LDLRAD3: variants seen among roughly 807,000 people sequenced by gnomAD.
The protein encoded by LDLRAD3 is low density lipoprotein receptor class A domain containing 3.
Under a neutral mutation model 29.4 loss-of-function variants are expected in LDLRAD3, and 20 were observed. The ratio of observed to expected loss-of-function variants is 0.68; its 90% CI spans 0.48 to 0.99. LDLRAD3 has a LOEUF of 0.99. Among genes scored for constraint, LDLRAD3 ranks in the 50% least tolerant of loss-of-function variants. The pLI is 0.00. For synonymous variants in LDLRAD3, 157 were observed against 192.7 expected, an observed-to-expected ratio of 0.81 and a Z score of 1.53; for missense variants, 420 against 454.3, an observed-to-expected ratio of 0.92 and a Z score of 0.69.
chr11:36,086,494 C>CA (rs1159192153), intron 3 of LDLRAD3, among the ~76,000 whole-genome samples: 3 of 152,178 alleles, frequency 2.0e-5, no homozygotes, highest in African/African-American at 7.2e-5. Flanking sequence ...GCTGTTTTTG[C>CA]AATGCTATTT....
At chr11:36,075,362 G>C in intron 2 of LDLRAD3, among the ~76,000 whole-genome samples, 1 of 152,006 alleles carries the variant, frequency 6.6e-6, no homozygotes, top group South Asian at 2.1e-4. Context: ...AGTTAGCCTA[G>C]TGAATCATTG....
chr11:36,056,825 GAGGGT>G lies in LDLRAD3; in HGVS notation c.193+20578_193+20582del, dbSNP rs763328208. Among the ~76,000 whole-genome samples, 9 of 152,220 alleles carry G rather than the reference GAGGGT, an allele frequency of 5.9e-5. No homozygotes were observed. The South Asian group carries it at 1.2e-3, about 21-fold the overall frequency. On this transcript the variant is annotated intron_variant, in intron 2 of 5. Coordinates refer to ENST00000315571, the MANE Select transcript of LDLRAD3 (RefSeq NM_174902.4). ...ACTCTCCACTAAATATGTCTGGCAG[GAGGGT>G]ACACGATACCTCTCCCTTCACTCCC...
intron 4 of LDLRAD3, among the ~76,000 whole-genome samples, chr11:36,145,007 C>T (rs1854158701): frequency 8.6e-6 from 1 of 116,258 alleles, no homozygotes. Flanking sequence ...GCCCTGCCAG[C>T]CGCCCCGTCC....
chr11:36,055,024 T>C (rs1341606438), intron 2 of LDLRAD3, among the ~76,000 whole-genome samples: 4 of 81,818 alleles, frequency 4.9e-5, no homozygotes, highest in Admixed American at 1.2e-4. Context: ...GATGGTTGGA[T>C]GAATGGATGG....
chr11:36,030,344 A>G (rs1396229789), intron 1 of LDLRAD3, among the ~76,000 whole-genome samples: 1 of 152,340 alleles, frequency 6.6e-6, no homozygotes, highest in East Asian at 1.9e-4. Flanking sequence ...GGAGCAACCT[A>G]GAGTCGAGGA....
chr11:35,989,458 T>A (rs1851660568), intron 1 of LDLRAD3, among the ~76,000 whole-genome samples: 1 of 152,252 alleles, frequency 6.6e-6, no homozygotes, highest in Non-Finnish European at 1.5e-5. Context: ...GTAGATTGCT[T>A]TCGGCAGTAT....
At chr11:36,029,062 G>A (rs186151057) in intron 1 of LDLRAD3, among the ~76,000 whole-genome samples, 17 of 152,254 alleles carry the variant, frequency 1.1e-4, no homozygotes, top group African/African-American at 3.9e-4. Flanking sequence ...GGTCAATATG[G>A]GGAAACCCCG....
chr11:36,195,012 CCT>C (rs1042885795), intron 4 of LDLRAD3, among the ~76,000 whole-genome samples: 7 of 152,296 alleles, frequency 4.6e-5, no homozygotes, highest in Admixed American at 4.6e-4. Flanking sequence ...AGTTCCTAAA[CCT>C]CTCTGTACCT....
intron 4 of LDLRAD3, among the ~76,000 whole-genome samples, chr11:36,145,953 T>C (rs1854186142): frequency 6.6e-6 from 1 of 151,084 alleles, no homozygotes; most frequent in South Asian, 2.1e-4. Context: ...ACTATTGTCC[T>C]GTGACCCTGC....
intron 3 of LDLRAD3, among the ~76,000 whole-genome samples, chr11:36,087,674 T>A (rs1853215431): frequency 6.6e-6 from 1 of 152,204 alleles, no homozygotes; most frequent in Non-Finnish European, 1.5e-5. Context: ...GCATTCATTT[T>A]GCACTCAGGA....
rs544933404 is a variant in LDLRAD3 at position 36,188,986 on chromosome 11, C to A, written c.455-38099C>A. 1.3e-3 allele frequency among the ~76,000 whole-genome samples: 196 copies of A among 150,162 alleles called. 2 individuals carry two copies. Among genetic ancestry groups the A allele is most frequent in the Non-Finnish European group, 2.1e-3 (139 of 67,594 alleles). On this transcript the variant is annotated intron_variant, in intron 4 of 5. Transcript: ENST00000315571. ...CAACCAAGAGCTTTTTTTTTTTTTCCATTTTTTAAAATAAAAGCTTTATTA... is the reference window on the plus strand; with the variant it reads ...CAACCAAGAGCTTTTTTTTTTTTTCAATTTTTTAAAATAAAAGCTTTATTA...
intron 4 of LDLRAD3, among the ~76,000 whole-genome samples, chr11:36,189,346 C>T (rs1411034726): frequency 2.0e-5 from 3 of 151,920 alleles, no homozygotes; most frequent in East Asian, 1.9e-4. Context: ...ATTAGCTGGG[C>T]GTGGTGGCAC....
At chr11:35,991,929 C>T (rs1420430973) in intron 1 of LDLRAD3, among the ~76,000 whole-genome samples, 2 of 144,428 alleles carry the variant, frequency 1.4e-5, no homozygotes, top group Non-Finnish European at 3.0e-5. Flanking sequence ...AGAGTTTTGG[C>T]CTCTGGCTGT....
intron 4 of LDLRAD3, among the ~76,000 whole-genome samples, chr11:36,194,157 G>A (rs1322068569): frequency 6.6e-6 from 1 of 151,918 alleles, no homozygotes; most frequent in Non-Finnish European, 1.5e-5. Context: ...GGGCCCGGAT[G>A]TTTTGTCTGT....
At chr11:36,212,064 T>C (rs973155470) in intron 4 of LDLRAD3, among the ~76,000 whole-genome samples, 1 of 152,180 alleles carries the variant, frequency 6.6e-6, no homozygotes, top group African/African-American at 2.4e-5. Flanking sequence ...GCAATAGAAA[T>C]AGTAGTTCTT....
intron 2 of LDLRAD3, among the ~76,000 whole-genome samples, chr11:36,076,467 A>G (rs542398526): frequency 1.3e-5 from 2 of 151,552 alleles, no homozygotes; most frequent in African/African-American, 2.4e-5. Flanking sequence ...GCTCACTGCA[A>G]CCTCCACCTC....
At chr11:36,124,218 T>C (rs1353316835) in intron 4 of LDLRAD3, among the ~76,000 whole-genome samples, 2 of 152,198 alleles carry the variant, frequency 1.3e-5, no homozygotes, top group Non-Finnish European at 2.9e-5. Flanking sequence ...TTCCTTCTCC[T>C]TTTTGTCTCT....
At chr11:36,088,316 C>G (rs997104003) in intron 3 of LDLRAD3, among the ~76,000 whole-genome samples, 1 of 152,102 alleles carries the variant, frequency 6.6e-6, no homozygotes. Context: ...ACGGCTCTCA[C>G]CCCAGTCCTC....
chr11:36,213,024 T>TTC lies in LDLRAD3; in HGVS notation c.455-14053_455-14052dup, dbSNP rs1471894772. On this transcript the variant is annotated intron_variant, in intron 4 of 5. Transcript: ENST00000315571. The surrounding 1 kb of genome is among the most constrained non-coding windows in gnomAD (Gnocchi z 4.1). ...ATTCGGTCTTCAGTTTAGAACTTTC[T>TTC]TCTCTCTCTGTCTCTCTCTCCCCCA... Among the ~76,000 whole-genome samples the TTC allele has an allele frequency of 1.7e-4, 26 of 151,562 alleles. No homozygotes were observed. Among genetic ancestry groups the TTC allele is most frequent in the Admixed American group, 3.9e-4 (6 of 15,242 alleles).
Sources: gnomAD v4.1 joint callset for allele counts (sites outside exome capture counted in the v4.1 genomes callset) on GRCh38, gnomAD v4.1.1 for gene constraint, Gnocchi (gnomAD v3.1) non-coding constraint, MANE v1.5 for transcripts, NCBI Gene and HGNC (gene_info 2026-07-23, HGNC 2026-07-21) for gene names.